Variants in BTAF1 observed in about 807,000 individuals in gnomAD.
BTAF1 encodes the protein B-TFIID TATA-box binding protein associated factor 1, also known as TATA-binding protein-associated factor 172.
BTAF1 carries 38 observed loss-of-function variants against 227.1 expected under a neutral mutation model. The ratio of observed to expected loss-of-function variants is 0.17; its 90% CI spans 0.13 to 0.22. The LOEUF is 0.22. Ranked by LOEUF, BTAF1 falls within the 10% of genes least tolerant of loss-of-function variation. The pLI, the probability that BTAF1 is intolerant of heterozygous loss-of-function variation, is 1.00. For synonymous variants in BTAF1, 742 were observed against 751.9 expected (o/e 0.99, Z 0.21); for missense variants, 1,598 against 2,204.0 (o/e 0.73, Z 5.51).
chr10:91,957,327 T>A (rs761998409), intron 8 of BTAF1, 34 bp downstream of exon 8: 1 of 1,541,142 alleles, frequency 6.5e-7, no homozygotes, highest in Non-Finnish European at 8.9e-7. Context: ...TTCTCAGCTC[T>A]ATTTTCTGTG....
At chr10:92,017,989 A>G (rs1356946596) in intron 33 of BTAF1, among the ~76,000 whole-genome samples, 1 of 152,224 alleles carries the variant, frequency 6.6e-6, no homozygotes, top group East Asian at 1.9e-4. Flanking sequence ...CACAAACACA[A>G]CCACTTGAGA....
intron 25 of BTAF1, among the ~76,000 whole-genome samples, chr10:92,001,621 A>G (rs1242400306): frequency 6.6e-6 from 1 of 152,154 alleles, no homozygotes; most frequent in African/African-American, 2.4e-5. Flanking sequence ...GCTAAACTAA[A>G]TAGTTCCCAG....
Position 92,012,840 on chromosome 10 carries a change from C to T in BTAF1, c.4312-827C>T, listed in dbSNP as rs11818597. On this transcript the variant is annotated intron_variant, in intron 30 of 37. Coordinates refer to ENST00000265990, the MANE Select transcript of BTAF1 (RefSeq NM_003972.3). ...AAAAAGCCTCTTTAGGCTGAATTAT[C>T]AAGATTTATTGTGCTTCAATTTGAA... is the stretch of plus-strand genomic sequence containing the variant. Among the ~76,000 whole-genome samples the T allele has an allele frequency of 3.1e-3, 467 of 149,584 alleles. 4 individuals are homozygous for T. The highest frequency in any genetic ancestry group is 0.011 in the African/African-American group (444 of 40,572).
chr10:91,926,204 C>T (rs759295749), intron 1 of BTAF1, among the ~76,000 whole-genome samples: 1 of 152,118 alleles, frequency 6.6e-6, no homozygotes, highest in East Asian at 1.9e-4. Context: ...CATTTTAATA[C>T]TATTTTACGT....
Position 91,942,419 on chromosome 10 carries a change from T to C in BTAF1, c.254-3T>C. ...CAAATTAATATTTTTAAACCTCATG[T>C]AGAACCTACTTCCGAAAGTTCTATG... On this transcript the variant is annotated splice_region_variant and splice_polypyrimidine_tract_variant and intron_variant, in intron 3 of 37. Coordinates refer to ENST00000265990, the MANE Select transcript of BTAF1 (RefSeq NM_003972.3). 2 of 1,612,210 alleles carry C rather than the reference T, an allele frequency of 1.2e-6. No individual in the cohort carries two copies. The highest frequency in any genetic ancestry group is 1.7e-4 in the Middle Eastern group (1 of 6,058).
intron 6 of BTAF1, among the ~76,000 whole-genome samples, chr10:91,954,701 G>C (rs1383380385): frequency 6.6e-6 from 1 of 152,110 alleles, no homozygotes; most frequent in African/African-American, 2.4e-5. Context: ...GGGACTACAG[G>C]TGTGAACCAC....
intron 4 of BTAF1, among the ~76,000 whole-genome samples, chr10:91,945,892 T>C (rs182162009): frequency 9.2e-5 from 14 of 152,348 alleles, no homozygotes; most frequent in South Asian, 2.1e-4. Flanking sequence ...TCATTTTACA[T>C]TTCTACCAAC....
chr10:91,937,671 T>TA (rs1392266747), intron 2 of BTAF1, among the ~76,000 whole-genome samples: 1 of 152,236 alleles, frequency 6.6e-6, no homozygotes, highest in African/African-American at 2.4e-5. Context: ...GTGTACATCT[T>TA]ACTGATTTTT....
At chr10:92,017,288 A>G (rs912328751) in intron 33 of BTAF1, among the ~76,000 whole-genome samples, 2 of 152,200 alleles carry the variant, frequency 1.3e-5, no homozygotes, top group African/African-American at 2.4e-5. Context: ...ATGCAGGTGT[A>G]TGGGGGGAAG....
intron 23 of BTAF1, among the ~76,000 whole-genome samples, chr10:91,995,268 T>A (rs535718928): frequency 8.5e-5 from 13 of 152,290 alleles, no homozygotes; most frequent in Non-Finnish European, 1.2e-4. Flanking sequence ...TCTATTGTTA[T>A]TTAACACAAA....
chr10:92,022,664 C>T (rs1271995663), intron 34 of BTAF1, among the ~76,000 whole-genome samples: 1 of 152,108 alleles, frequency 6.6e-6, no homozygotes, highest in African/African-American at 2.4e-5. Context: ...GCAGTCTTCC[C>T]ACATTAGCAT....
intron 1 of BTAF1, among the ~76,000 whole-genome samples, chr10:91,925,954 T>A (rs1442836404): frequency 3.9e-5 from 6 of 152,212 alleles, no homozygotes; most frequent in African/African-American, 1.4e-4. Flanking sequence ...TTCACTTTTT[T>A]AAAAGCCTGT....
intron 3 of BTAF1, among the ~76,000 whole-genome samples, chr10:91,941,021 T>C (rs1385786663): frequency 6.6e-6 from 1 of 152,224 alleles, no homozygotes; most frequent in Non-Finnish European, 1.5e-5. Flanking sequence ...CAACTCCCTT[T>C]AATAACATCA....
chr10:91,977,856 T>C (rs1189312486), intron 14 of BTAF1, among the ~76,000 whole-genome samples: 1 of 152,206 alleles, frequency 6.6e-6, no homozygotes. Context: ...TTGCCTAGAC[T>C]TTATTTTTCA....
chr10:91,977,992 A>G (rs978743328), intron 14 of BTAF1, among the ~76,000 whole-genome samples: 4 of 152,204 alleles, frequency 2.6e-5, no homozygotes, highest in African/African-American at 9.7e-5. Context: ...ATTTGTTACA[A>G]TCAGCGAACC....
Position 91,962,694 on chromosome 10 carries a change from T to G in BTAF1, c.1404+16T>G, listed in dbSNP as rs202095467. On this transcript the variant is annotated intron_variant, in intron 12 of 37. Coordinates refer to ENST00000265990, the MANE Select transcript of BTAF1 (RefSeq NM_003972.3). ...GACACAAAAGGTAAATTAAATATTT[T>G]TACAGTTTCTTACTATAGAGCTTGT... 35 of 1,570,684 alleles carry G rather than the reference T, an allele frequency of 2.2e-5. No individual in the cohort carries two copies. Among genetic ancestry groups the G allele is most frequent in the Admixed American group, 5.8e-5 (3 of 51,622 alleles).
At chr10:91,991,789 GTGTGTGTGTATATATA>G (rs1279644190) in intron 20 of BTAF1, among the ~76,000 whole-genome samples, 13 of 77,818 alleles carry the variant, frequency 1.7e-4, no homozygotes, top group East Asian at 1.6e-3. Context: ...GTGTGTGTGT[GTGTGTGTGTATATATA>G]TATATATATA....
In BTAF1 at chr10:92,013,891, A is replaced by G. The variant is rs779843922; in HGVS notation, c.4454-8A>G. 9.9e-6 allele frequency: 16 copies of G among 1,613,342 alleles called. No homozygotes were observed. Among genetic ancestry groups the G allele is most frequent in the Admixed American group, 1.7e-5 (1 of 59,854 alleles). ...TTTTGAAGCCATTTTCTCTTTAACTATTAACAGGTGTTCTTGCTATGGATG... is the reference window on the plus strand; with the variant it reads ...TTTTGAAGCCATTTTCTCTTTAACTGTTAACAGGTGTTCTTGCTATGGATG... On this transcript the variant is annotated splice_polypyrimidine_tract_variant and splice_region_variant and intron_variant, in intron 31 of 37. Transcript: ENST00000265990.
intron 35 of BTAF1, 88 bp from the exon 36 acceptor site, chr10:92,026,503 AT>A: frequency 9.2e-7 from 1 of 1,090,688 alleles, no homozygotes; most frequent in Admixed American, 2.8e-5. Flanking sequence ...TTAAAGCAGC[AT>A]TTTCATTTGT....
Sources: allele counts gnomAD v4.1 joint callset (sites outside exome capture counted in the v4.1 genomes callset), GRCh38; gene constraint gnomAD v4.1.1; transcripts MANE v1.5; gene names NCBI Gene and HGNC (gene_info 2026-07-23, HGNC 2026-07-21).